GNG4: variants seen among roughly 807,000 people sequenced by gnomAD.
GNG4 encodes guanine nucleotide-binding protein G(I)/G(S)/G(O) subunit gamma-4.
A neutral mutation model predicts 5.8 loss-of-function variants in GNG4; 4 were observed. The observed-to-expected ratio is 0.69, with a 90% CI of 0.34 to 1.57. The LOEUF is 1.57. Among genes scored for constraint, GNG4 ranks in the 40% most tolerant of loss-of-function variants. GNG4 has a pLI of 0.06. For missense variants in GNG4, 96 were observed against 95.1 expected (o/e 1.01, Z -0.04); for synonymous variants, 29 against 32.9 (o/e 0.88, Z 0.41).
chr1:235,570,958 A>G (rs1200742500), intron 3 of GNG4, among the ~76,000 whole-genome samples: 1 of 115,198 alleles, frequency 8.7e-6, no homozygotes, highest in Non-Finnish European at 1.6e-5. Context: ...ATATATATAC[A>G]TACCTTTTTT....
intron 1 of GNG4, among the ~76,000 whole-genome samples, chr1:235,598,432 G>C (rs1267673427): frequency 7.9e-5 from 12 of 151,708 alleles, no homozygotes; most frequent in Admixed American, 7.9e-4. Context: ...AGCACAGTAA[G>C]ACCCCATCTC....
chr1:235,623,348 C>A (rs572252512), intron 1 of GNG4, among the ~76,000 whole-genome samples: 1 of 152,154 alleles, frequency 6.6e-6, no homozygotes, highest in African/African-American at 2.4e-5. Flanking sequence ...GCACGGCCAC[C>A]GCTGCAGCCC....
At chr1:235,570,463 C>T (rs1687304713) in intron 3 of GNG4, among the ~76,000 whole-genome samples, 1 of 149,640 alleles carries the variant, frequency 6.7e-6, no homozygotes, top group Non-Finnish European at 1.5e-5. Flanking sequence ...ATGGCATGAC[C>T]TTGGCTCACT....
intron 1 of GNG4, among the ~76,000 whole-genome samples, chr1:235,617,889 TAAAAA>T (rs34128028): frequency 9.1e-6 from 1 of 109,720 alleles, no homozygotes; most frequent in Admixed American, 9.7e-5. Context: ...TGCCTCTATC[TAAAAA>T]AAAAAAAAAA....
chr1:235,606,489 G>A (rs544843269), intron 1 of GNG4, among the ~76,000 whole-genome samples: 1 of 152,290 alleles, frequency 6.6e-6, no homozygotes, highest in South Asian at 2.1e-4. Context: ...GGAAGAGCCA[G>A]GGGATGTGGT....
chr1:235,624,671 G>A (rs985056250), intron 1 of GNG4, among the ~76,000 whole-genome samples: 4 of 152,146 alleles, frequency 2.6e-5, no homozygotes, highest in Admixed American at 2.6e-4. Flanking sequence ...TTGTTCCAGA[G>A]TATCAAGGTT....
chr1:235,638,515 T>C (rs1410399923), intron 1 of GNG4, among the ~76,000 whole-genome samples: 2 of 151,928 alleles, frequency 1.3e-5, no homozygotes, highest in Non-Finnish European at 2.9e-5. Context: ...TACTTTAAGT[T>C]CTGGGATACA....
intron 1 of GNG4, among the ~76,000 whole-genome samples, chr1:235,601,464 T>C (rs1688257316): frequency 6.6e-6 from 1 of 152,192 alleles, no homozygotes; most frequent in Admixed American, 6.5e-5. Context: ...CTTTAGCATC[T>C]ACATTGCTTT....
At chr1:235,629,438 G>A (rs1355038000) in intron 1 of GNG4, among the ~76,000 whole-genome samples, 1 of 151,918 alleles carries the variant, frequency 6.6e-6, no homozygotes, top group African/African-American at 2.4e-5. Context: ...CGGGGACCTA[G>A]GCCTCTTCCA....
chr1:235,566,342 G>C (rs1015963558), intron 3 of GNG4: 1 of 155,944 alleles, frequency 6.4e-6, no homozygotes, highest in African/African-American at 2.4e-5. Context: ...GATCAGCGGA[G>C]GCCTTAGATT....
chr1:235,557,063 G>T (rs867985464), intron 3 of GNG4, among the ~76,000 whole-genome samples: 11 of 152,080 alleles, frequency 7.2e-5, no homozygotes, highest in Admixed American at 2.0e-4. Context: ...TTGCTCACCC[G>T]CTGCTCACTT....
At chr1:235,641,533 A>G (rs1657329140) in intron 1 of GNG4, among the ~76,000 whole-genome samples, 1 of 152,192 alleles carries the variant, frequency 6.6e-6, no homozygotes, top group South Asian at 2.1e-4. Flanking sequence ...TCTACTAAAA[A>G]TACAAAAAAT....
chr1:235,593,446 T>C (rs113078703), intron 2 of GNG4, among the ~76,000 whole-genome samples: 7 of 152,308 alleles, frequency 4.6e-5, no homozygotes, highest in African/African-American at 1.7e-4. Flanking sequence ...ACGACTTCTG[T>C]CCATGAGCAC....
chr1:235,591,854 G>A (rs910643120), intron 2 of GNG4, among the ~76,000 whole-genome samples: 10 of 152,204 alleles, frequency 6.6e-5, no homozygotes, highest in South Asian at 2.1e-4. Flanking sequence ...AGGTCGCACC[G>A]GGGGTTTCTT....
At chr1:235,582,959 A>G (rs1193333839) in intron 3 of GNG4, among the ~76,000 whole-genome samples, 1 of 152,158 alleles carries the variant, frequency 6.6e-6, no homozygotes, top group Admixed American at 6.6e-5. Context: ...CTCTGTCCAT[A>G]GAAGGCTTCA....
chr1:235,597,158 G>A (rs559245093), intron 1 of GNG4, among the ~76,000 whole-genome samples: 35 of 152,208 alleles, frequency 2.3e-4, no homozygotes, highest in Non-Finnish European at 5.1e-4. Flanking sequence ...CTGGGGTAAT[G>A]AGTTCATTCC....
chr1:235,581,384 C>A (rs1006516967), intron 3 of GNG4, among the ~76,000 whole-genome samples: 2 of 151,954 alleles, frequency 1.3e-5, no homozygotes, highest in Non-Finnish European at 2.9e-5. Context: ...AAAAAATTAG[C>A]CGGGCGTGGT....
intron 1 of GNG4, among the ~76,000 whole-genome samples, chr1:235,599,127 G>T (rs934015662): frequency 6.6e-6 from 1 of 152,142 alleles, no homozygotes; most frequent in Non-Finnish European, 1.5e-5. Context: ...CATGAAACCC[G>T]TATCTCAGGC....
At chr1:235,563,403 C>CAAA (rs57471662) in intron 3 of GNG4, among the ~76,000 whole-genome samples, 2 of 52,384 alleles carry the variant, frequency 3.8e-5, no homozygotes, top group East Asian at 8.2e-4. Context: ...GAAACTGTCT[C>CAAA]AAAAAAAAAA....
Sources: allele counts gnomAD v4.1 joint callset (sites outside exome capture counted in the v4.1 genomes callset), GRCh38; gene constraint gnomAD v4.1.1; transcripts MANE v1.5; gene names NCBI Gene and HGNC (gene_info 2026-07-23, HGNC 2026-07-21).